Variants in ZZEF1 observed in about 807,000 individuals in gnomAD.
ZZEF1 encodes the protein zinc finger ZZ-type and EF-hand domain containing 1.
ZZEF1 carries 157 observed loss-of-function variants against 342.8 expected under a neutral mutation model. The observed-to-expected ratio is 0.46, with a 90% confidence interval of 0.40 to 0.52. The LOEUF is 0.52. Among genes scored for constraint, ZZEF1 ranks in the 20% least tolerant of loss-of-function variants. ZZEF1 has a pLI of 0.00. For missense variants in ZZEF1, 3,480 were observed against 3,725.6 expected (o/e 0.93, Z 1.72); for synonymous variants, 1,505 against 1,429.1 (o/e 1.05, Z -1.20).
chr17:4,020,212 G>T (rs777726722), intron 45 of ZZEF1, among the ~76,000 whole-genome samples: 7 of 152,148 alleles, frequency 4.6e-5, no homozygotes, highest in Non-Finnish European at 1.0e-4. Context: ...TCATACCACT[G>T]AGTACCCAAA....
At chr17:4,013,722 A>C in intron 51 of ZZEF1, 108 bp from the exon 52 acceptor site, 1 of 1,230,530 alleles carries the variant, frequency 8.1e-7, no homozygotes, top group Non-Finnish European at 1.1e-6. Context: ...TACATTTTAT[A>C]AACTGCTCAA....
chr17:4,026,996 T>TC (rs1567772870), intron 42 of ZZEF1, among the ~76,000 whole-genome samples: 1 of 151,856 alleles, frequency 6.6e-6, no homozygotes, highest in African/African-American at 2.4e-5. Flanking sequence ...GTTTTTCACG[T>TC]CCCCCCACAA....
At chr17:4,035,596 G>C (rs1339695889) in intron 39 of ZZEF1, among the ~76,000 whole-genome samples, 1 of 152,228 alleles carries the variant, frequency 6.6e-6, no homozygotes, top group Non-Finnish European at 1.5e-5. Flanking sequence ...CTCCGAGTGA[G>C]GTGAGGAGGG....
chr17:4,015,494 G>A (rs2056075707), intron 49 of ZZEF1, among the ~76,000 whole-genome samples: 1 of 152,252 alleles, frequency 6.6e-6, no homozygotes, highest in South Asian at 2.1e-4. Context: ...GCCAGGTGAG[G>A]TGGCTCACGC....
chr17:4,075,212 C>G (rs2057587318), intron 22 of ZZEF1, 34 bp from the exon 23 acceptor site: 3 of 1,613,818 alleles, frequency 1.9e-6, no homozygotes, highest in African/African-American at 1.3e-5. Context: ...GCTTCCTTCT[C>G]TCATTGCTGA....
At chr17:4,082,653 C>G (rs1312109089) in intron 16 of ZZEF1, 149 bp from the exon 17 acceptor site, 6 of 693,934 alleles carry the variant, frequency 8.6e-6, no homozygotes, top group Non-Finnish European at 2.5e-6. Flanking sequence ...CCACTAAAAC[C>G]CGCTCAAGTA....
intron 2 of ZZEF1, among the ~76,000 whole-genome samples, chr17:4,120,970 C>T (rs547408723): frequency 3.3e-5 from 5 of 152,270 alleles, no homozygotes; most frequent in East Asian, 3.9e-4. Flanking sequence ...TTAGTGCAGA[C>T]GAAGGTTAGA....
Position 4,128,494 on chromosome 17 carries a change from C to A in ZZEF1, c.355-4443G>T, listed in dbSNP as rs556530164. Among the ~76,000 whole-genome samples the A allele has an allele frequency of 2.9e-5, 4 of 138,888 alleles. No homozygotes were observed. In the South Asian group the frequency reaches 7.8e-4, roughly 27 times the overall value. 91.1% of individuals were successfully genotyped at this position (138,888 alleles called of 152,430 possible). A position where few individuals can be genotyped will look rare whatever the true frequency, so the allele number is the denominator to read the frequency against. Reference sequence around the variant, plus strand: ...TTTAAATTTGACACAGAGTTTAGTTCTGTCACCCCAGCTGGAGTGCAGTTG... The same window carrying A: ...TTTAAATTTGACACAGAGTTTAGTTATGTCACCCCAGCTGGAGTGCAGTTG... On this transcript the variant is annotated intron_variant, in intron 1 of 54. Transcript: ENST00000381638.
chr17:4,007,675 T>C (rs1187625103), intron 54 of ZZEF1, among the ~76,000 whole-genome samples: 2 of 152,008 alleles, frequency 1.3e-5, no homozygotes, highest in Admixed American at 1.3e-4. Flanking sequence ...GCAATGCTGG[T>C]AGGTAGCTGT....
rs1437292496 is a variant in ZZEF1, at chr17:4,014,710, A to G, written c.8146-195T>C. On this transcript the variant is annotated intron_variant, in intron 49 of 54. Transcript: ENST00000381638. This position sits in a 1 kb window ranked among gnomAD's most constrained non-coding sequence, Gnocchi z 4.4. ...TGCAAATATGGTGCGAGGGAGGCAC[A>G]GCGGGGCAGGCAACACGGGGCCCCA... 6.6e-6 allele frequency among the ~76,000 whole-genome samples: 1 copy of G among 152,202 alleles called. No homozygotes were observed. Among genetic ancestry groups the G allele is most frequent in the Non-Finnish European group, 1.5e-5 (1 of 68,032 alleles).
chr17:4,070,913 A>C lies in ZZEF1; in HGVS notation c.3846T>G (p.Ile1282Met). ...GAAAATGGCGGCAGGGGTCGTCAGG[A>C]ATGTTCTTAACCTGGAAACAAAAAA... Reference protein sequence around the residue: ...PHRNSKEVKNIPDDPCRHFLL... With the variant: ...PHRNSKEVKNMPDDPCRHFLL... The change falls in exon 26 of 55, where the codon ATT becomes ATG. Residue 1282 changes from isoleucine (I) to methionine (M), a missense_variant. Coordinates refer to ENST00000381638, the MANE Select transcript of ZZEF1 (RefSeq NM_015113.4). The C allele has an allele frequency of 6.2e-7, 1 of 1,613,756 alleles. No individual in the cohort carries two copies. Among genetic ancestry groups the C allele is most frequent in the Non-Finnish European group, 8.5e-7 (1 of 1,179,900 alleles).
At position 4,016,316 on chromosome 17, in the gene ZZEF1, G is replaced by A; in HGVS notation, c.8145+7C>T. The A allele has an allele frequency of 1.2e-6, 2 of 1,612,436 alleles. No individual in the cohort carries two copies. The highest frequency in any genetic ancestry group is 2.2e-5 in the East Asian group (1 of 44,880). The stretch of plus-strand genomic sequence containing the variant: ...GCTCTTATGGGGCCTGCCGGCCCCA[G>A]GCTTACCTCGAAGTTGGTGTTGTTG... On this transcript the variant is annotated splice_region_variant and intron_variant, in intron 49 of 54. Transcript: ENST00000381638. The surrounding 1 kb of genome is among the most constrained non-coding windows in gnomAD (Gnocchi z 4.4).
intron 38 of ZZEF1, among the ~76,000 whole-genome samples, chr17:4,042,975 C>A (rs1231629453): frequency 6.6e-6 from 1 of 152,226 alleles, no homozygotes; most frequent in Non-Finnish European, 1.5e-5. Context: ...AGCCACTGCT[C>A]CCGGCCTAAA....
chr17:4,005,630 G>C lies in ZZEF1; in HGVS notation c.*1260C>G, dbSNP rs1432443770. ...CAGATCCCTGCAGACCCTGCACAGA[G>C]GGATCTTCAGAGGCCACGGGGCACA... On this transcript the variant is annotated 3_prime_UTR_variant, in exon 55 of 55. Coordinates refer to ENST00000381638, the MANE Select transcript of ZZEF1 (RefSeq NM_015113.4). 1 of 152,350 alleles carries C rather than the reference G, an allele frequency of 6.6e-6. No individual in the cohort carries two copies. Among genetic ancestry groups the C allele is most frequent in the African/African-American group, 2.4e-5 (1 of 41,466 alleles). The allele number at this position is 152,350 out of a possible 1,614,324, so 9.4% of individuals were successfully genotyped here. A position where few individuals can be genotyped will look rare whatever the true frequency, so the allele number is the denominator to read the frequency against.
intron 52 of ZZEF1, among the ~76,000 whole-genome samples, chr17:4,010,081 T>C (rs2055906393): frequency 6.6e-6 from 1 of 151,992 alleles, no homozygotes; most frequent in African/African-American, 2.4e-5. Flanking sequence ...CCCAGCACTT[T>C]GGGAAGCAGA....
chr17:4,025,448 A>G (rs987899553), intron 42 of ZZEF1, among the ~76,000 whole-genome samples: 13 of 152,204 alleles, frequency 8.5e-5, no homozygotes, highest in Non-Finnish European at 1.8e-4. Context: ...GCACTTTGGG[A>G]GGCCAAGGTG....
At chr17:4,124,163 CAG>C in intron 1 of ZZEF1, 112 bp from the exon 2 acceptor site, 7 of 1,352,130 alleles carry the variant, frequency 5.2e-6, no homozygotes, top group Non-Finnish European at 6.9e-6. Flanking sequence ...TTTTTGGTTG[CAG>C]AGAGAAGAGT....
intron 9 of ZZEF1, among the ~76,000 whole-genome samples, chr17:4,100,951 T>C (rs932547360): frequency 2.6e-5 from 4 of 152,146 alleles, no homozygotes; most frequent in Non-Finnish European, 4.4e-5. Flanking sequence ...CAGGGTGGTC[T>C]TGGCTTTCTT....
intron 18 of ZZEF1, among the ~76,000 whole-genome samples, chr17:4,079,324 T>C (rs1248251493): frequency 1.3e-5 from 2 of 152,046 alleles, no homozygotes; most frequent in Admixed American, 1.3e-4. Flanking sequence ...GAAGAAAGAC[T>C]GGTGAGGGGG....
Sources: gnomAD v4.1 joint callset for allele counts (sites outside exome capture counted in the v4.1 genomes callset) on GRCh38, gnomAD v4.1.1 for gene constraint, Gnocchi (gnomAD v3.1) non-coding constraint, MANE v1.5 for transcripts, NCBI Gene and HGNC (gene_info 2026-07-23, HGNC 2026-07-21) for gene names.